The following TUT7 variants were observed in gnomAD, a reference collection of about 807,000 sequenced individuals.
TUT7 encodes terminal uridylyl transferase 7.
In TUT7, 33 loss-of-function variants were observed where a neutral mutation model predicts 165.9. The observed-to-expected ratio is 0.20, with a 90% CI of 0.15 to 0.27. The LOEUF is 0.27. Among genes scored for constraint, TUT7 ranks in the 10% least tolerant of loss-of-function variants. TUT7 has a pLI of 1.00. For synonymous variants in TUT7, 552 were observed against 608.1 expected (o/e 0.91, Z 1.36); for missense variants, 1,338 against 1,762.3 (o/e 0.76, Z 4.31).
chr9:86,302,030 C>G (rs1242992500), intron 25 of TUT7, among the ~76,000 whole-genome samples: 1 of 152,128 alleles, frequency 6.6e-6, no homozygotes, highest in East Asian at 1.9e-4. Flanking sequence ...AAGATTTATG[C>G]TCTTAAAATG....
At position 86,341,184 on chromosome 9, in the gene TUT7, TACTC is replaced by T. The variant is rs1157618777; in HGVS notation, c.1087-135_1087-132del. The T allele has an allele frequency of 7.3e-5, 54 of 743,190 alleles. No individual in the cohort carries two copies. The African/African-American group carries it at 8.1e-4, about 11-fold the overall frequency. 46.0% of individuals were successfully genotyped at this position (743,190 alleles called of 1,614,324 possible). ...CACATTGCTATCAAAGTAAAGAAAT[TACTC>T]ACTATGTTGTTTGCATATGTCAGTC... On this transcript the variant is annotated intron_variant, in intron 6 of 26. Transcript: ENST00000375963.
intron 14 of TUT7, among the ~76,000 whole-genome samples, chr9:86,321,223 G>A (rs1272500636): frequency 6.6e-6 from 1 of 151,768 alleles, no homozygotes; most frequent in Non-Finnish European, 1.5e-5. Context: ...TGGACATGGT[G>A]GTGCATGACT....
rs1410207891 is a variant in TUT7 at position 86,311,148 on chromosome 9, T to C, written c.3275-339A>G. Among the ~76,000 whole-genome samples, 9 of 152,144 alleles carry C rather than the reference T, an allele frequency of 5.9e-5. No individual in the cohort carries two copies. The highest frequency in any genetic ancestry group is 8.8e-5 in the Non-Finnish European group (6 of 68,046). On this transcript the variant is annotated intron_variant, in intron 17 of 26. Transcript: ENST00000375963. The surrounding 1 kb of genome is among the most constrained non-coding windows in gnomAD (Gnocchi z 4.4). The stretch of plus-strand genomic sequence containing the variant: ...AAATACCAAACAGAGGAAACTACTA[T>C]AGAGTCTGAACTATGTGGTTCCCAC...
chr9:86,302,495 A>C (rs183553498), intron 25 of TUT7, among the ~76,000 whole-genome samples: 47 of 152,302 alleles, frequency 3.1e-4, no homozygotes, highest in African/African-American at 1.1e-3. Flanking sequence ...AAAAAGGAAG[A>C]ATTTTTGTTT....
At chr9:86,314,341 T>C (rs1828509488) in intron 17 of TUT7, among the ~76,000 whole-genome samples, 1 of 152,194 alleles carries the variant, frequency 6.6e-6, no homozygotes, top group African/African-American at 2.4e-5. Context: ...TTAATTTCTG[T>C]CTAGTCTCTT....
intron 14 of TUT7, among the ~76,000 whole-genome samples, chr9:86,320,235 A>G (rs1829122395): frequency 6.8e-6 from 1 of 147,034 alleles, no homozygotes. Flanking sequence ...AATAGCTCAT[A>G]ATATAAAAAA....
intron 26 of TUT7, among the ~76,000 whole-genome samples, chr9:86,293,278 T>C (rs572563459): frequency 6.6e-6 from 1 of 152,186 alleles, no homozygotes; most frequent in South Asian, 2.1e-4. Context: ...GGCGAGACCC[T>C]GTCTCTACAA....
intron 2 of TUT7, among the ~76,000 whole-genome samples, chr9:86,351,017 C>T (rs553395434): frequency 4.0e-4 from 60 of 151,874 alleles, no homozygotes; most frequent in African/African-American, 1.4e-3. Context: ...ACCTGTAGTC[C>T]CAGCTACTTG....
At chr9:86,290,452 G>A (rs910403441) in intron 26 of TUT7, among the ~76,000 whole-genome samples, 7 of 152,062 alleles carry the variant, frequency 4.6e-5, no homozygotes, top group Non-Finnish European at 7.4e-5. Context: ...AAGAAACAAA[G>A]TACTCTATTG....
chr9:86,316,870 A>C (rs1828769639), intron 17 of TUT7, among the ~76,000 whole-genome samples: 1 of 152,158 alleles, frequency 6.6e-6, no homozygotes. Flanking sequence ...AAAAATATTT[A>C]AGAGAAAAAA....
Position 86,354,379 on chromosome 9 carries a change from AC to A in TUT7, c.-141del, listed in dbSNP as rs1564110597. 6.5e-6 allele frequency: 1 copy of A among 152,908 alleles called. No homozygotes were observed. The highest frequency in any genetic ancestry group is 2.4e-5 in the African/African-American group (1 of 41,428). 9.5% of individuals were successfully genotyped at this position (152,908 alleles called of 1,614,324 possible). On this transcript the variant is annotated 5_prime_UTR_variant, in exon 1 of 27. Transcript: ENST00000375963. ...TGGGAGAAGGCGCCCAAGAGCACTC[AC>A]CACCTTCGCCGCGGTCCCCAGCCTC...
intron 26 of TUT7, chr9:86,298,741 ATTTG>A: frequency 1.0e-6 from 1 of 968,066 alleles, no homozygotes; most frequent in Non-Finnish European, 1.2e-6. Context: ...AATAACACAC[ATTTG>A]TTTTTTTTAA....
At chr9:86,303,419 T>C (rs928446810) in intron 24 of TUT7, among the ~76,000 whole-genome samples, 6 of 152,200 alleles carry the variant, frequency 3.9e-5, no homozygotes, top group Admixed American at 2.0e-4. Context: ...TTCCTTTTAG[T>C]CATGCAGAGC....
chr9:86,340,171 TA>T (rs1401394876), intron 7 of TUT7, 66 bp from the exon 8 acceptor site: 2 of 1,363,818 alleles, frequency 1.5e-6, no homozygotes, highest in Non-Finnish European at 2.1e-6. Flanking sequence ...CAGAACCAGA[TA>T]AAGTACAAGT....
At chr9:86,310,619 ATG>A (rs5898926) in intron 18 of TUT7, 85 bp downstream of exon 18, 509,145 of 707,302 alleles carry the variant, frequency 0.72, 188,405 homozygotes, top group East Asian at 0.99. Flanking sequence ...GATGAAATGA[ATG>A]TGACTTCTTT....
intron 18 of TUT7, 100 bp downstream of exon 18, chr9:86,310,606 T>C: frequency 1.7e-6 from 1 of 592,874 alleles, no homozygotes; most frequent in East Asian, 3.0e-5. Flanking sequence ...AAAGATTCAC[T>C]AAGATGAAAT....
At chr9:86,294,059 TAA>T (rs1451473310) in intron 26 of TUT7, among the ~76,000 whole-genome samples, 1 of 152,212 alleles carries the variant, frequency 6.6e-6, no homozygotes, top group Non-Finnish European at 1.5e-5. Context: ...AGGATAGTTT[TAA>T]GAGAGTCAAT....
At chr9:86,329,877 C>T (rs577414762) in intron 10 of TUT7, among the ~76,000 whole-genome samples, 3 of 152,212 alleles carry the variant, frequency 2.0e-5, no homozygotes, top group East Asian at 3.9e-4. Context: ...CTCATTCTCC[C>T]TCACTTTATT....
chr9:86,323,179 TTCC>T lies in TUT7; in HGVS notation c.2568_2570del (p.Glu859del), dbSNP rs750376879. ...GGTTAATGGTGAGCCTAGGTTCTTC[TTCC>T]TCCTCCTCTTCTTCGTCGTCCTCCT... On this transcript the variant is annotated inframe_deletion, in exon 13 of 27. Transcript: ENST00000375963. 13 of 1,614,076 alleles carry T rather than the reference TTCC, an allele frequency of 8.1e-6. No individual in the cohort carries two copies. Among genetic ancestry groups the T allele is most frequent in the Admixed American group, 1.7e-5 (1 of 59,988 alleles).
Sources: gnomAD v4.1 joint callset for allele counts (sites outside exome capture counted in the v4.1 genomes callset) on GRCh38, gnomAD v4.1.1 for gene constraint, Gnocchi (gnomAD v3.1) non-coding constraint, MANE v1.5 for transcripts, NCBI Gene and HGNC (gene_info 2026-07-23, HGNC 2026-07-21) for gene names.